Variants in SLC8B1 observed in about 807,000 individuals in gnomAD.
SLC8B1 encodes the protein mitochondrial sodium/calcium exchanger protein.
SLC8B1 carries 52 observed loss-of-function variants against 63.4 expected under a neutral mutation model. That is an observed-to-expected ratio of 0.82 (90% CI 0.66 to 1.03). The LOEUF (loss-of-function observed/expected upper bound fraction) is 1.03. SLC8B1 is among the 50% of genes least tolerant of loss of function. SLC8B1 has a pLI of 0.00. For missense variants in SLC8B1, 657 were observed against 741.7 expected (o/e 0.89, Z 1.33); for synonymous variants, 336 against 323.9 (o/e 1.04, Z -0.40).
rs1229725981 is a variant in SLC8B1, at chr12:113,307,837, G to A, written c.1265C>T (p.Ala422Val). Reference protein sequence around the residue: ...SQPPRLHWLFAFLGFLTSALW... With the variant: ...SQPPRLHWLFVFLGFLTSALW... Reference sequence around the variant, plus strand: ...GGCGCTGGTCAGAAAGCCCAGGAAAGCAAAGAGCTGCGGAGGGAATGGTTT... The same window carrying A: ...GGCGCTGGTCAGAAAGCCCAGGAAAACAAAGAGCTGCGGAGGGAATGGTTT... Residue 422 changes from alanine to valine, a missense_variant, in exon 13 of 16, where the codon GCT becomes GTT. Physicochemically the swap from Ala to Val is moderately conservative, Grantham distance 64. Transcript: ENST00000680972. 6.2e-7 allele frequency: 1 copy of A among 1,612,126 alleles called. No homozygotes were observed. The highest frequency in any genetic ancestry group is 2.2e-5 in the East Asian group (1 of 44,894).
intron 15 of SLC8B1, chr12:113,302,197 G>A (rs1484700228): frequency 1.9e-5 from 3 of 158,848 alleles, no homozygotes; most frequent in Non-Finnish European, 4.2e-5. Flanking sequence ...CAATCATCTT[G>A]GACTTAGGGT....
chr12:113,335,062 C>T lies in SLC8B1; in HGVS notation c.-702G>A, dbSNP rs1324278418. 6.6e-6 allele frequency: 1 copy of T among 152,420 alleles called. No homozygotes were observed. Among genetic ancestry groups the T allele is most frequent in the Non-Finnish European group, 1.5e-5 (1 of 68,184 alleles). 9.4% of individuals were successfully genotyped at this position (152,420 alleles called of 1,614,324 possible). The stretch of plus-strand genomic sequence containing the variant: ...CAGGGCCTCGCAGCCTTCCAGGTCC[C>T]TGGCCGCCGGACCGACCTTGCGCCA... On this transcript the variant is annotated 5_prime_UTR_variant, in exon 1 of 16. Transcript: ENST00000680972.
intron 11 of SLC8B1, among the ~76,000 whole-genome samples, chr12:113,312,186 C>A (rs1019683390): frequency 2.6e-5 from 4 of 152,086 alleles, no homozygotes; most frequent in African/African-American, 9.7e-5. Flanking sequence ...ATAATCCCAG[C>A]ACTTTGGGAG....
Position 113,299,792 on chromosome 12 carries a change from G to A in SLC8B1, c.1740C>T (p.His580=). 1.2e-6 allele frequency: 2 copies of A among 1,614,208 alleles called. No individual in the cohort carries two copies. Among genetic ancestry groups the A allele is most frequent in the Non-Finnish European group, 8.5e-7 (1 of 1,180,038 alleles). ...VALLTEFGVI[H]LKSM Reference sequence around the variant, plus strand: ...GCGGCTTCAGTCACATGCTTTTCAGGTGAATCACTCCAAATTCAGTGAGGA... The same window carrying A: ...GCGGCTTCAGTCACATGCTTTTCAGATGAATCACTCCAAATTCAGTGAGGA... The change falls in exon 16 of 16, where the codon CAC becomes CAT. Residue 580 remains histidine, a synonymous_variant. Coordinates refer to ENST00000680972, the MANE Select transcript of SLC8B1 (RefSeq NM_001358345.2).
rs1956852391 is a variant in SLC8B1, at chr12:113,317,736, ATGTGCATGTATTTGTTTATGTGTG to A, written c.803-759_803-736del. Among the ~76,000 whole-genome samples the A allele has an allele frequency of 1.6e-5, 2 of 124,476 alleles. 1 individual carries two copies. The highest frequency in any genetic ancestry group is 5.5e-4 in the South Asian group (2 of 3,628). The allele number at this position is 124,476 out of a possible 152,430, so 81.7% of individuals were successfully genotyped here. A position where few individuals can be genotyped will look rare whatever the true frequency, so the allele number is the denominator to read the frequency against. On this transcript the variant is annotated intron_variant, in intron 8 of 15. Transcript: ENST00000680972. ...AGTGTGTTGTGTGTGTTATCTATGTATGTGCATGTATTTGTTTATGTGTGTGTGCATGTATTTGTATGTGTGTTG... is the reference window on the plus strand; with the variant it reads ...AGTGTGTTGTGTGTGTTATCTATGTATGTGCATGTATTTGTATGTGTGTTG...
Position 113,320,170 on chromosome 12 carries a change from G to A in SLC8B1, c.694+161C>T. The A allele has an allele frequency of 1.2e-6, 1 of 811,290 alleles. No individual in the cohort carries two copies. Among genetic ancestry groups the A allele is most frequent in the Non-Finnish European group, 1.9e-6 (1 of 517,306 alleles). 50.3% of individuals were successfully genotyped at this position (811,290 alleles called of 1,614,324 possible). Reference sequence around the variant, plus strand: ...GCCTCTTTGGTTATGTGACCCACATGTTCCCATTTTTGCTCAAGCCAGCTT... The same window carrying A: ...GCCTCTTTGGTTATGTGACCCACATATTCCCATTTTTGCTCAAGCCAGCTT... On this transcript the variant is annotated intron_variant, in intron 7 of 15. Transcript: ENST00000680972. The surrounding 1 kb of genome is among the most constrained non-coding windows in gnomAD (Gnocchi z 5.3).
chr12:113,307,778 TCAC>T lies in SLC8B1; in HGVS notation c.1321_1323del (p.Val441del). On this transcript the variant is annotated inframe_deletion, in exon 13 of 16. Coordinates refer to ENST00000680972, the MANE Select transcript of SLC8B1 (RefSeq NM_001358345.2). ...ACCACACCCAGGGACCGCAAGATGT[TCAC>T]CACCTCTGTGGCGGCCGCGTTGATC... 6.2e-7 allele frequency: 1 copy of T among 1,613,900 alleles called. No homozygotes were observed. Among genetic ancestry groups the T allele is most frequent in the Non-Finnish European group, 8.5e-7 (1 of 1,180,022 alleles).
rs563161399 is a variant in SLC8B1, at chr12:113,315,441, G to A, written c.1029C>T (p.Pro343=). The change falls in exon 11 of 16, where the codon CCC becomes CCT. Residue 343 remains proline, a synonymous_variant. Transcript: ENST00000680972. ...PVEFLLLLTV[P]VVDPDKDDQN... is the part of the protein sequence containing the mutation. ...GGTCATCCTTGTCCGGGTCCACGAC[G>A]GGGACTGTGAGGAGCAGCAGGAACT... The A allele has an allele frequency of 1.7e-5, 27 of 1,602,788 alleles. No homozygotes were observed. The highest frequency in any genetic ancestry group is 1.1e-4 in the African/African-American group (8 of 74,786).
intron 8 of SLC8B1, among the ~76,000 whole-genome samples, chr12:113,317,717 TTG>T (rs1370770635): frequency 6.6e-6 from 1 of 152,056 alleles, no homozygotes; most frequent in Non-Finnish European, 1.5e-5. Context: ...GCTGAGTGTG[TTG>T]TGTGTGTTAT....
chr12:113,310,400 A>G (rs1285289223), intron 11 of SLC8B1, 45 bp from the exon 12 acceptor site: 9 of 1,592,548 alleles, frequency 5.7e-6, no homozygotes, highest in South Asian at 1.1e-5. Flanking sequence ...CAGCACCTCA[A>G]CACCCACTTA....
intron 7 of SLC8B1, chr12:113,319,874 C>G (rs1373238612): frequency 6.1e-6 from 1 of 165,284 alleles, no homozygotes; most frequent in East Asian, 1.8e-4. Flanking sequence ...ACTGCAGTCT[C>G]GAACTCCTAG....
At chr12:113,302,817 G>A in intron 15 of SLC8B1, 1 of 440,974 alleles carries the variant, frequency 2.3e-6, no homozygotes, top group South Asian at 1.6e-5. Flanking sequence ...ACACGCCTGT[G>A]GACACACACA....
At chr12:113,300,137 C>G (rs77611801) in intron 15 of SLC8B1, among the ~76,000 whole-genome samples, 163 bp from the exon 16 acceptor site, 20 of 131,566 alleles carry the variant, frequency 1.5e-4, no homozygotes, top group East Asian at 5.8e-4. Flanking sequence ...CAACAACAAT[C>G]CAGCCTCAAC....
chr12:113,300,420 T>C (rs1391470912), intron 15 of SLC8B1, among the ~76,000 whole-genome samples: 1 of 151,826 alleles, frequency 6.6e-6, no homozygotes, highest in Non-Finnish European at 1.5e-5. Flanking sequence ...GAGGCGGAGG[T>C]TGCAGTAAGC....
Position 113,320,829 on chromosome 12 carries a change from G to A in SLC8B1, c.420+21C>T. ...ACAACTGCCCTCCCTCCAGGGTGCA[G>A]GACACTGGACAAAAGGATACTGCCA... is the stretch of plus-strand genomic sequence containing the variant. On this transcript the variant is annotated intron_variant, in intron 5 of 15. Coordinates refer to ENST00000680972, the MANE Select transcript of SLC8B1 (RefSeq NM_001358345.2). This position sits in a 1 kb window ranked among gnomAD's most constrained non-coding sequence, Gnocchi z 5.3. The A allele has an allele frequency of 6.3e-7, 1 of 1,596,604 alleles. No individual in the cohort carries two copies. Among genetic ancestry groups the A allele is most frequent in the Non-Finnish European group, 8.5e-7 (1 of 1,173,020 alleles).
chr12:113,318,441 A>G (rs1298470760), intron 8 of SLC8B1, among the ~76,000 whole-genome samples: 2 of 149,702 alleles, frequency 1.3e-5, no homozygotes, highest in African/African-American at 5.0e-5. Context: ...GTATACACGT[A>G]TGTGTATGTG....
intron 2 of SLC8B1, among the ~76,000 whole-genome samples, chr12:113,327,008 CA>C (rs1957004347): frequency 6.6e-6 from 1 of 152,154 alleles, no homozygotes; most frequent in Admixed American, 6.5e-5. Flanking sequence ...AGCTCCCACC[CA>C]AAAGCAACAG....
intron 2 of SLC8B1, among the ~76,000 whole-genome samples, chr12:113,332,200 C>T (rs1957065055): frequency 6.6e-6 from 1 of 152,212 alleles, no homozygotes; most frequent in Non-Finnish European, 1.5e-5. Flanking sequence ...AGCTCACGCC[C>T]TCCCCCATAC....
At position 113,320,702 on chromosome 12, in the gene SLC8B1, C is replaced by A; in HGVS notation, c.421-16G>T. 1 of 1,610,466 alleles carries A rather than the reference C, an allele frequency of 6.2e-7. No individual in the cohort carries two copies. Among genetic ancestry groups the A allele is most frequent in the Non-Finnish European group, 8.5e-7 (1 of 1,178,474 alleles). On this transcript the variant is annotated splice_polypyrimidine_tract_variant and intron_variant, in intron 5 of 15. Coordinates refer to ENST00000680972, the MANE Select transcript of SLC8B1 (RefSeq NM_001358345.2). This position sits in a 1 kb window ranked among gnomAD's most constrained non-coding sequence, Gnocchi z 5.3. ...AGGTGACGCCATGTGGGGAGCATGT[C>A]AAGGCGGGCCAGGATCGCAGCTGCA...
Sources: gnomAD v4.1 joint callset for allele counts (sites outside exome capture counted in the v4.1 genomes callset) on GRCh38, gnomAD v4.1.1 for gene constraint, Gnocchi (gnomAD v3.1) non-coding constraint, MANE v1.5 for transcripts, NCBI Gene and HGNC (gene_info 2026-07-23, HGNC 2026-07-21) for gene names.